PAMR1: variants seen among roughly 807,000 people sequenced by gnomAD.
The protein encoded by PAMR1 is inactive serine protease PAMR1.
In PAMR1, 88 loss-of-function variants were observed where a neutral mutation model predicts 81.8. That is an observed-to-expected ratio of 1.08 (90% CI 0.91 to 1.28). The LOEUF (loss-of-function observed/expected upper bound fraction) is 1.28. Among genes scored for constraint, PAMR1 ranks in the 50% most tolerant of loss-of-function variants. The probability of loss-of-function intolerance (pLI) is 0.00; values close to 1 mark genes in which losing one functional copy is unlikely to be tolerated. For synonymous variants in PAMR1, 336 were observed against 345.3 expected (o/e 0.97, Z 0.30); for missense variants, 935 against 919.7 (o/e 1.02, Z -0.21).
intron 1 of PAMR1, among the ~76,000 whole-genome samples, chr11:35,503,551 A>G (rs1850894844): frequency 6.6e-6 from 1 of 151,912 alleles, no homozygotes; most frequent in Non-Finnish European, 1.5e-5. Context: ...AATTTCTTTC[A>G]TCAGTGTTTC....
intron 10 of PAMR1, 76 bp from the exon 11 acceptor site, chr11:35,432,968 T>C (rs766773009): frequency 7.0e-5 from 94 of 1,340,498 alleles, no homozygotes; most frequent in Non-Finnish European, 8.7e-5. Context: ...GGCTTGGAGC[T>C]AAATTTTTGG....
intron 6 of PAMR1, among the ~76,000 whole-genome samples, chr11:35,447,694 C>T (rs936205801): frequency 2.6e-5 from 4 of 152,236 alleles, no homozygotes; most frequent in East Asian, 1.9e-4. Context: ...TCGTGATGCT[C>T]GCTGGTTATT....
chr11:35,489,155 C>T (rs1294530604), intron 3 of PAMR1, among the ~76,000 whole-genome samples: 1 of 152,136 alleles, frequency 6.6e-6, no homozygotes, highest in African/African-American at 2.4e-5. Context: ...AGGCATATCT[C>T]AAGTCTCCAA....
chr11:35,470,134 T>A (rs1366953673), intron 5 of PAMR1, among the ~76,000 whole-genome samples: 2 of 152,226 alleles, frequency 1.3e-5, no homozygotes, highest in East Asian at 1.9e-4. Flanking sequence ...TCTCAGAGCC[T>A]CCTTAATGGA....
intron 6 of PAMR1, among the ~76,000 whole-genome samples, chr11:35,442,041 T>C (rs934927363): frequency 2.0e-5 from 3 of 152,208 alleles, no homozygotes; most frequent in Non-Finnish European, 2.9e-5. Flanking sequence ...TATACAAGGA[T>C]TATTGTTTTT....
intron 6 of PAMR1, chr11:35,451,753 T>C (rs1486751300): frequency 2.0e-6 from 1 of 504,630 alleles, no homozygotes. Context: ...CATTTGGGAG[T>C]AGATTAGTTC....
intron 6 of PAMR1, among the ~76,000 whole-genome samples, chr11:35,447,364 G>A (rs963549503): frequency 3.3e-5 from 5 of 152,016 alleles, no homozygotes; most frequent in South Asian, 2.1e-4. Context: ...TACCACGCCC[G>A]GCTAATTTTT....
chr11:35,448,490 G>T, intron 6 of PAMR1, among the ~76,000 whole-genome samples: 1 of 152,102 alleles, frequency 6.6e-6, no homozygotes, highest in East Asian at 1.9e-4. Context: ...AGCTCCATCA[G>T]GTCATTTATG....
chr11:35,448,906 G>A (rs187279442), intron 6 of PAMR1, among the ~76,000 whole-genome samples: 130 of 152,260 alleles, frequency 8.5e-4, no homozygotes, highest in African/African-American at 2.6e-3. Flanking sequence ...GGCTGCTGCC[G>A]TTTGCTGGAG....
chr11:35,467,078 C>A (rs1345632550), intron 6 of PAMR1, among the ~76,000 whole-genome samples: 1 of 152,116 alleles, frequency 6.6e-6, no homozygotes. Context: ...GCAGCCCGCA[C>A]CCAATGACTG....
chr11:35,500,877 T>A (rs1488133199), intron 1 of PAMR1, among the ~76,000 whole-genome samples: 2 of 151,896 alleles, frequency 1.3e-5, no homozygotes, highest in Admixed American at 6.5e-5. Flanking sequence ...ACAGAAAAAA[T>A]ATGGTATAAA....
intron 6 of PAMR1, among the ~76,000 whole-genome samples, chr11:35,465,450 C>T (rs1856739744): frequency 6.6e-6 from 1 of 152,088 alleles, no homozygotes; most frequent in Admixed American, 6.5e-5. Flanking sequence ...ATGAGGAAAA[C>T]AAGAAAATAA....
chr11:35,493,734 C>T (rs528957539), intron 2 of PAMR1, among the ~76,000 whole-genome samples: 3 of 152,314 alleles, frequency 2.0e-5, no homozygotes, highest in African/African-American at 7.2e-5. Context: ...ACTTACTACA[C>T]TGTATGGTAG....
intron 1 of PAMR1, among the ~76,000 whole-genome samples, chr11:35,509,894 C>G (rs1261097482): frequency 6.6e-6 from 1 of 152,168 alleles, no homozygotes; most frequent in Non-Finnish European, 1.5e-5. Context: ...AAAGGCAAAG[C>G]CTTATGAAAG....
chr11:35,528,053 T>G (rs1331966707), upstream of PAMR1, among the ~76,000 whole-genome samples: 1 of 151,360 alleles, frequency 6.6e-6, no homozygotes, highest in African/African-American at 2.4e-5. Flanking sequence ...CCAAGCAGCC[T>G]CATCCCTACA....
At chr11:35,463,451 G>A (rs1050466558) in intron 6 of PAMR1, among the ~76,000 whole-genome samples, 2 of 152,228 alleles carry the variant, frequency 1.3e-5, no homozygotes, top group Admixed American at 6.5e-5. Flanking sequence ...GGGGAACAAA[G>A]GCAACATGGA....
At position 35,520,844 on chromosome 11, in the gene PAMR1, C is replaced by G. The variant is rs1391210464; in HGVS notation, c.73+4669G>C. Among the ~76,000 whole-genome samples, 4 of 152,168 alleles carry G rather than the reference C, an allele frequency of 2.6e-5. No individual in the cohort carries two copies. The East Asian group carries it at 7.7e-4, about 29-fold the overall frequency. Reference sequence around the variant, plus strand: ...TTTCTTTTGCATCAGGATTGGCCACCCCAGTGGGGCAGATGGAAATAATTT... The same window carrying G: ...TTTCTTTTGCATCAGGATTGGCCACGCCAGTGGGGCAGATGGAAATAATTT... On this transcript the variant is annotated intron_variant, in intron 1 of 10. Coordinates refer to ENST00000619888, the MANE Select transcript of PAMR1 (RefSeq NM_001001991.3).
chr11:35,526,695 A>G (rs1257301588), upstream of PAMR1, among the ~76,000 whole-genome samples: 3 of 152,224 alleles, frequency 2.0e-5, no homozygotes, highest in African/African-American at 7.2e-5. Flanking sequence ...CTATAGTCTT[A>G]GCCACTAGGC....
At chr11:35,446,502 C>T (rs1211199412) in intron 6 of PAMR1, among the ~76,000 whole-genome samples, 1 of 152,138 alleles carries the variant, frequency 6.6e-6, no homozygotes, top group Admixed American at 6.5e-5. Context: ...CATAACATTG[C>T]TTTAGCTGCA....
Sources: gnomAD v4.1 joint callset for allele counts (sites outside exome capture counted in the v4.1 genomes callset) on GRCh38, gnomAD v4.1.1 for gene constraint, MANE v1.5 for transcripts, NCBI Gene and HGNC (gene_info 2026-07-23, HGNC 2026-07-21) for gene names.